Variants in FSHR observed in about 807,000 individuals in gnomAD.
The protein encoded by FSHR is follicle stimulating hormone receptor.
A neutral mutation model predicts 52.1 loss-of-function variants in FSHR; 46 were observed. The observed-to-expected ratio is 0.88, with a 90% CI of 0.70 to 1.13. The LOEUF (loss-of-function observed/expected upper bound fraction) is 1.13, where lower values mean the gene tolerates loss of function less well. FSHR is among the 50% of genes most tolerant of loss of function. FSHR has a pLI of 0.00. For synonymous variants in FSHR, 399 were observed against 309.6 expected, an observed-to-expected ratio of 1.29 and a Z score of -3.03; for missense variants, 964 against 834.6, an observed-to-expected ratio of 1.16 and a Z score of -1.91.
intron 2 of FSHR, among the ~76,000 whole-genome samples, chr2:49,021,863 C>CTCTCTCTCTCTCTCTCTA (rs1467766420): frequency 2.0e-5 from 1 of 49,872 alleles, no homozygotes; most frequent in Non-Finnish European, 3.7e-5. Flanking sequence ...CTCTCTCTCT[C>CTCTCTCTCTCTCTCTCTA]TATATATATA....
chr2:49,059,257 A>T (rs1285083227), intron 2 of FSHR, among the ~76,000 whole-genome samples: 1 of 152,110 alleles, frequency 6.6e-6, no homozygotes, highest in East Asian at 1.9e-4. Flanking sequence ...CGTCATTCAC[A>T]GAAGTAGAAA....
At chr2:48,982,550 T>G (rs1475032012) in intron 8 of FSHR, among the ~76,000 whole-genome samples, 6 of 152,146 alleles carry the variant, frequency 3.9e-5, no homozygotes, top group Non-Finnish European at 8.8e-5. Context: ...TTGTATAACC[T>G]TGAGTGGGTG....
intron 1 of FSHR, among the ~76,000 whole-genome samples, chr2:49,090,492 CCA>C (rs991884523): frequency 1.3e-5 from 2 of 152,096 alleles, no homozygotes; most frequent in East Asian, 1.9e-4. Flanking sequence ...TATGAATATA[CCA>C]CAGTTTGTTT....
At chr2:49,081,162 A>G (rs147124825) in intron 1 of FSHR, among the ~76,000 whole-genome samples, 1 of 152,228 alleles carries the variant, frequency 6.6e-6, no homozygotes, top group East Asian at 1.9e-4. Flanking sequence ...TTATCTTTTC[A>G]ATGGTAGTTG....
intron 1 of FSHR, among the ~76,000 whole-genome samples, chr2:49,097,672 A>G (rs1670876385): frequency 2.0e-5 from 3 of 152,208 alleles, no homozygotes; most frequent in Non-Finnish European, 4.4e-5. Context: ...CAGAGAAAAA[A>G]GTTCTGAGGC....
rs56036283 is a variant in FSHR at position 48,993,606 on chromosome 2, T to C, written c.375-2969A>G. 5.4e-3 allele frequency among the ~76,000 whole-genome samples: 822 copies of C among 152,300 alleles called. 5 individuals carry two copies. Among genetic ancestry groups the C allele is most frequent in the Non-Finnish European group, 9.2e-3 (623 of 68,018 alleles). On this transcript the variant is annotated intron_variant, in intron 4 of 9. Coordinates refer to ENST00000406846, the MANE Select transcript of FSHR (RefSeq NM_000145.4). ...TGGGCCTTCTTTTCAAAAATGTAAA[T>C]CAGATTGTTTTACTCCTTTGCTGCT...
At chr2:49,146,844 A>G (rs1572809632) in intron 1 of FSHR, among the ~76,000 whole-genome samples, 2 of 151,958 alleles carry the variant, frequency 1.3e-5, no homozygotes, top group Non-Finnish European at 2.9e-5. Flanking sequence ...TGAGGTCCCT[A>G]TTTCTTAGAA....
At chr2:49,014,633 G>T (rs1050125812) in intron 4 of FSHR, 2 of 269,290 alleles carry the variant, frequency 7.4e-6, no homozygotes, top group African/African-American at 2.3e-5. Context: ...GTGGGTCAAT[G>T]ATGAGGTCAA....
chr2:49,079,328 C>T (rs776363975), intron 1 of FSHR, among the ~76,000 whole-genome samples: 1 of 152,014 alleles, frequency 6.6e-6, no homozygotes, highest in Admixed American at 6.6e-5. Flanking sequence ...AAATTGAAGG[C>T]AAAACCCATC....
At position 48,995,368 on chromosome 2, in the gene FSHR, A is replaced by G. The variant is rs373400696; in HGVS notation, c.375-4731T>C. 3.3e-5 allele frequency among the ~76,000 whole-genome samples: 5 copies of G among 152,252 alleles called. No individual in the cohort carries two copies. In the East Asian group the frequency reaches 7.7e-4, roughly 24 times the overall value. On this transcript the variant is annotated intron_variant, in intron 4 of 9. Transcript: ENST00000406846. Reference sequence around the variant, plus strand: ...GGAACAATATGGGCTGGAGTAGCCAAGAAGAAGTGCTTATAGGAAGAGGAA... The same window carrying G: ...GGAACAATATGGGCTGGAGTAGCCAGGAAGAAGTGCTTATAGGAAGAGGAA...
chr2:49,021,863 C>CTCTCTCTCTCTCTCTATATATATA (rs1467766420), intron 2 of FSHR, among the ~76,000 whole-genome samples: 1 of 49,860 alleles, frequency 2.0e-5, no homozygotes, highest in Non-Finnish European at 3.7e-5. Context: ...CTCTCTCTCT[C>CTCTCTCTCTCTCTCTATATATATA]TATATATATA....
chr2:49,082,477 C>T (rs939069584), intron 1 of FSHR, among the ~76,000 whole-genome samples: 14 of 152,110 alleles, frequency 9.2e-5, no homozygotes, highest in East Asian at 3.8e-4. Context: ...TCACCAGCAA[C>T]GGAACAAAGC....
chr2:49,075,229 G>T (rs1465736424), intron 1 of FSHR, among the ~76,000 whole-genome samples: 1 of 152,088 alleles, frequency 6.6e-6, no homozygotes, highest in East Asian at 1.9e-4. Flanking sequence ...GAGATGATGG[G>T]TATGCTAATC....
chr2:49,069,581 G>A (rs1417968070), intron 1 of FSHR, among the ~76,000 whole-genome samples: 1 of 152,070 alleles, frequency 6.6e-6, no homozygotes, highest in African/African-American at 2.4e-5. Context: ...ATGTTTGCCT[G>A]ATTTGTTATG....
chr2:48,963,830 T>G lies in FSHR; in HGVS notation c.991A>C (p.Thr331Pro). The G allele has an allele frequency of 6.2e-7, 1 of 1,614,128 alleles. No homozygotes were observed. Among genetic ancestry groups the G allele is most frequent in the South Asian group, 1.1e-5 (1 of 91,082 alleles). ...SYSRGFDMTYTEFDYDLCNEV... is the reference protein window; with the variant it reads ...SYSRGFDMTYPEFDYDLCNEV... ...TTGCATAAGTCATAGTCAAACTCAG[T>G]GTACGTCATGTCAAATCCTCTGCTG... Residue 331 changes from threonine (T) to proline (P), a missense_variant, in exon 10 of 10, where the codon ACT becomes CCT. Thr to Pro is a conservative substitution (Grantham distance 38). Coordinates refer to ENST00000406846, the MANE Select transcript of FSHR (RefSeq NM_000145.4).
chr2:49,018,041 G>C (rs565273495), intron 3 of FSHR, among the ~76,000 whole-genome samples: 5 of 152,266 alleles, frequency 3.3e-5, no homozygotes, highest in Middle Eastern at 3.4e-3. Flanking sequence ...AGAAGATAAG[G>C]AAGGAAAAAG....
chr2:49,032,415 T>A (rs372140731), intron 2 of FSHR, among the ~76,000 whole-genome samples: 1 of 152,192 alleles, frequency 6.6e-6, no homozygotes, highest in Non-Finnish European at 1.5e-5. Flanking sequence ...GAATTAACAA[T>A]ACTGTAGTAT....
At chr2:49,046,251 C>G (rs2104292561) in intron 2 of FSHR, among the ~76,000 whole-genome samples, 1 of 152,306 alleles carries the variant, frequency 6.6e-6, no homozygotes, top group Admixed American at 6.5e-5. Context: ...GATGATAACT[C>G]TGAATTTGTG....
chr2:49,047,558 A>G (rs1241127772), intron 2 of FSHR, among the ~76,000 whole-genome samples: 1 of 152,246 alleles, frequency 6.6e-6, no homozygotes, highest in Non-Finnish European at 1.5e-5. Flanking sequence ...GTATTAAAGC[A>G]GATGGTCCTT....
Sources: gnomAD v4.1 joint callset for allele counts (sites outside exome capture counted in the v4.1 genomes callset) on GRCh38, gnomAD v4.1.1 for gene constraint, MANE v1.5 for transcripts, NCBI Gene and HGNC (gene_info 2026-07-23, HGNC 2026-07-21) for gene names.